CHRM2: variants seen among roughly 807,000 people sequenced by gnomAD.
CHRM2 encodes the protein cholinergic receptor muscarinic 2.
In CHRM2, 8 loss-of-function variants were observed where a neutral mutation model predicts 25.0. The observed-to-expected ratio is 0.32, with a 90% CI of 0.19 to 0.58. The LOEUF is 0.58. CHRM2 is among the 20% of genes least tolerant of loss of function. The pLI, the probability that CHRM2 is intolerant of heterozygous loss-of-function variation, is 0.88. For synonymous variants in CHRM2, 202 were observed against 205.7 expected (o/e 0.98, Z 0.15); for missense variants, 440 against 567.1 (o/e 0.78, Z 2.28).
intron 2 of CHRM2, among the ~76,000 whole-genome samples, chr7:136,894,305 A>C (rs1796804843): frequency 6.6e-6 from 1 of 152,140 alleles, no homozygotes; most frequent in Non-Finnish European, 1.5e-5. Context: ...AGAAAATATA[A>C]TCTTAGTTAT....
At chr7:136,896,133 A>T (rs116661693) in intron 2 of CHRM2, among the ~76,000 whole-genome samples, 2,129 of 152,304 alleles carry the variant, frequency 0.014, 45 homozygotes, top group African/African-American at 0.048. Context: ...GAAAATAATA[A>T]CAATAGTAGA....
At chr7:136,964,202 T>G (rs1801272281) in intron 2 of CHRM2, among the ~76,000 whole-genome samples, 1 of 152,150 alleles carries the variant, frequency 6.6e-6, no homozygotes, top group Admixed American at 6.5e-5. Flanking sequence ...TATTATTAGT[T>G]ATTTGCCCTA....
At chr7:136,897,860 A>T (rs1343284552) in intron 2 of CHRM2, among the ~76,000 whole-genome samples, 1 of 152,124 alleles carries the variant, frequency 6.6e-6, no homozygotes, top group Non-Finnish European at 1.5e-5. Context: ...GCCGTTTCTT[A>T]AAAAAACAAA....
intron 2 of CHRM2, among the ~76,000 whole-genome samples, chr7:136,904,161 T>C (rs1344464248): frequency 6.6e-6 from 1 of 151,918 alleles, no homozygotes; most frequent in African/African-American, 2.4e-5. Flanking sequence ...ATCACTTGAT[T>C]ATATAAAACC....
At chr7:136,938,539 T>C in intron 2 of CHRM2, 1 of 929,416 alleles carries the variant, frequency 1.1e-6, no homozygotes, top group Non-Finnish European at 1.8e-6. Flanking sequence ...TGACCGTGAC[T>C]GCAGTGATCC....
intron 2 of CHRM2, among the ~76,000 whole-genome samples, chr7:136,916,898 G>A (rs1280722107): frequency 2.0e-5 from 3 of 150,270 alleles, no homozygotes; most frequent in Non-Finnish European, 3.0e-5. Flanking sequence ...ACTTTCTTTA[G>A]TTATCGAGAA....
intron 2 of CHRM2, among the ~76,000 whole-genome samples, chr7:136,937,819 C>T (rs942513639): frequency 2.6e-5 from 4 of 152,160 alleles, no homozygotes; most frequent in Non-Finnish European, 5.9e-5. Flanking sequence ...GTGACCATTA[C>T]ATATCACTTA....
chr7:136,984,657 C>T (rs755642823), intron 2 of CHRM2, among the ~76,000 whole-genome samples: 1 of 152,056 alleles, frequency 6.6e-6, no homozygotes, highest in Non-Finnish European at 1.5e-5. Flanking sequence ...GAGCACCATT[C>T]CTCACGGCAC....
intron 2 of CHRM2, among the ~76,000 whole-genome samples, chr7:136,878,627 A>G (rs1466233703): frequency 2.0e-5 from 3 of 151,848 alleles, no homozygotes; most frequent in Admixed American, 2.0e-4. Flanking sequence ...CTGTTTTTTG[A>G]GTGTTTACCA....
At chr7:136,942,480 T>G (rs1799829619) in intron 2 of CHRM2, among the ~76,000 whole-genome samples, 1 of 152,138 alleles carries the variant, frequency 6.6e-6, no homozygotes, top group Non-Finnish European at 1.5e-5. Context: ...AGGACTCAAT[T>G]TTTAGAGTGC....
chr7:137,003,262 C>A (rs992288378), intron 3 of CHRM2, among the ~76,000 whole-genome samples: 10 of 152,170 alleles, frequency 6.6e-5, no homozygotes, highest in African/African-American at 2.4e-4. Context: ...AAATGCCATT[C>A]TTCAAGCTTC....
At chr7:137,005,840 A>G (rs1350057640) in intron 3 of CHRM2, among the ~76,000 whole-genome samples, 2 of 152,152 alleles carry the variant, frequency 1.3e-5, no homozygotes, top group East Asian at 3.9e-4. Context: ...TTATTAAACC[A>G]GCAGCCTGCC....
intron 3 of CHRM2, among the ~76,000 whole-genome samples, chr7:136,996,483 TATC>T (rs1487258811): frequency 6.6e-6 from 1 of 152,160 alleles, no homozygotes; most frequent in African/African-American, 2.4e-5. Flanking sequence ...TATAGGAAAA[TATC>T]ATTCTCATGA....
intron 2 of CHRM2, among the ~76,000 whole-genome samples, chr7:136,969,566 C>T (rs1275712108): frequency 6.6e-6 from 1 of 152,138 alleles, no homozygotes; most frequent in Non-Finnish European, 1.5e-5. Context: ...GTTGTTTTGG[C>T]TGGGCCTTGC....
Position 137,004,680 on chromosome 7 carries a change from A to G in CHRM2, c.-46-10140A>G, listed in dbSNP as rs550151590. ...AGAGTTGACTGCCCTGATTTACCACATAAACCTCTTCATTCTCTCTGACCA... is the reference window on the plus strand; with the variant it reads ...AGAGTTGACTGCCCTGATTTACCACGTAAACCTCTTCATTCTCTCTGACCA... On this transcript the variant is annotated intron_variant, in intron 3 of 3. Coordinates refer to ENST00000680005, the MANE Select transcript of CHRM2 (RefSeq NM_001006630.2). Among the ~76,000 whole-genome samples, 7 of 152,306 alleles carry G rather than the reference A, an allele frequency of 4.6e-5. No individual in the cohort carries two copies. In the East Asian group the frequency reaches 1.2e-3, roughly 25 times the overall value.
intron 2 of CHRM2, among the ~76,000 whole-genome samples, chr7:136,923,195 C>T (rs967144723): frequency 3.3e-5 from 5 of 150,952 alleles, no homozygotes; most frequent in African/African-American, 1.2e-4. Flanking sequence ...AAGGAGAGTA[C>T]TACTACATCT....
intron 2 of CHRM2, among the ~76,000 whole-genome samples, chr7:136,873,872 G>A (rs1028077622): frequency 2.0e-5 from 3 of 152,210 alleles, no homozygotes; most frequent in African/African-American, 7.2e-5. Flanking sequence ...TGCTTGTCTT[G>A]TTTAGTCAGT....
Position 137,015,698 on chromosome 7 carries a change from A to T in CHRM2, c.833A>T (p.Glu278Val). Reference sequence around the variant, plus strand: ...GTGACTGAAAACTGTGTTCAGGGAGAGGAGAAGGAGAGCTCCAATGACTCC... The same window carrying T: ...GTGACTGAAAACTGTGTTCAGGGAGTGGAGAAGGAGAGCTCCAATGACTCC... Reference protein sequence around the residue: ...DPVTENCVQGEEKESSNDSTS... With the variant: ...DPVTENCVQGVEKESSNDSTS... The change falls in exon 4 of 4, where the codon GAG (glutamate) becomes GTG (valine). Residue 278 changes from glutamate (E) to valine (V), a missense_variant. Around this residue, in one of 5 missense-constraint regions of CHRM2, gnomAD observed 261 missense variants for 261.8 expected, o/e 1.00. Transcript: ENST00000680005. This position sits in a 1 kb window ranked among gnomAD's most constrained non-coding sequence, Gnocchi z 5.1. 1.2e-6 allele frequency: 2 copies of T among 1,613,240 alleles called. No individual in the cohort carries two copies. The highest frequency in any genetic ancestry group is 3.3e-4 in the Middle Eastern group (2 of 6,058).
intron 3 of CHRM2, among the ~76,000 whole-genome samples, chr7:137,005,398 T>A (rs1274076859): frequency 6.6e-6 from 1 of 152,138 alleles, no homozygotes; most frequent in Non-Finnish European, 1.5e-5. Flanking sequence ...TATTATAAGA[T>A]ATGCTATCTG....
Sources: gnomAD v4.1 joint callset for allele counts (sites outside exome capture counted in the v4.1 genomes callset) on GRCh38, gnomAD v4.1.1 for gene constraint, gnomAD v4.1.1 regional missense constraint, Gnocchi (gnomAD v3.1) non-coding constraint, MANE v1.5 for transcripts, NCBI Gene and HGNC (gene_info 2026-07-23, HGNC 2026-07-21) for gene names.